ADAMTS17: variants seen among roughly 807,000 people sequenced by gnomAD.
ADAMTS17 encodes A disintegrin and metalloproteinase with thrombospondin motifs 17.
A neutral mutation model predicts 141.5 loss-of-function variants in ADAMTS17; 113 were observed. That is an observed-to-expected ratio of 0.80 (90% CI 0.69 to 0.93). The LOEUF (loss-of-function observed/expected upper bound fraction) is 0.93. ADAMTS17 is among the 40% of genes least tolerant of loss of function. The probability of loss-of-function intolerance (pLI) is 0.00; values close to 1 mark genes in which losing one functional copy is unlikely to be tolerated. For synonymous variants in ADAMTS17, 768 were observed against 630.6 expected (o/e 1.22, Z -3.27); for missense variants, 1,659 against 1,517.9 (o/e 1.09, Z -1.54).
intron 7 of ADAMTS17, among the ~76,000 whole-genome samples, chr15:100,201,735 C>T (rs533721479): frequency 1.3e-5 from 2 of 151,852 alleles, no homozygotes; most frequent in East Asian, 3.9e-4. Context: ...ACGTGGATGT[C>T]ACAACCCAGC....
intron 7 of ADAMTS17, among the ~76,000 whole-genome samples, chr15:100,220,941 T>G (rs1468573855): frequency 6.6e-6 from 1 of 152,230 alleles, no homozygotes; most frequent in African/African-American, 2.4e-5. Context: ...GTTTCTACAT[T>G]GGGACTATGA....
intron 7 of ADAMTS17, among the ~76,000 whole-genome samples, chr15:100,219,467 C>T (rs1211230156): frequency 1.3e-5 from 2 of 152,132 alleles, no homozygotes; most frequent in Admixed American, 1.3e-4. Context: ...TTCTCAAGAA[C>T]ACTGAAGAAC....
intron 18 of ADAMTS17, among the ~76,000 whole-genome samples, chr15:100,008,795 A>T (rs1567671547): frequency 2.0e-5 from 3 of 152,056 alleles, no homozygotes; most frequent in African/African-American, 7.2e-5. Flanking sequence ...CAGCCCTGTG[A>T]CTCTAACACA....
At position 100,229,905 on chromosome 15, in the gene ADAMTS17, A is replaced by G. The variant is rs567361612; in HGVS notation, c.1075+24231T>C. On this transcript the variant is annotated intron_variant, in intron 7 of 21. Transcript: ENST00000268070. The stretch of plus-strand genomic sequence containing the variant: ...CAGCACCTTCCCTGACCAGCAGGAA[A>G]TTGCCACACAGTCACCTGAGATGAT... Among the ~76,000 whole-genome samples, 247 of 152,328 alleles carry G rather than the reference A, an allele frequency of 1.6e-3. 10 individuals are homozygous for G. The highest frequency in any genetic ancestry group is 3.4e-3 in the Middle Eastern group (1 of 294).
intron 3 of ADAMTS17, among the ~76,000 whole-genome samples, chr15:100,289,378 C>G (rs542309908): frequency 7.2e-5 from 11 of 152,138 alleles, no homozygotes; most frequent in Non-Finnish European, 1.5e-4. Flanking sequence ...CAGGACCAGA[C>G]AGATTCACAG....
chr15:100,290,415 T>C (rs994707748), intron 3 of ADAMTS17, among the ~76,000 whole-genome samples: 2 of 152,274 alleles, frequency 1.3e-5, no homozygotes, highest in East Asian at 1.9e-4. Flanking sequence ...ACAATATTGT[T>C]AAAATAGCCA....
chr15:100,322,273 T>C (rs1220095123), intron 3 of ADAMTS17, among the ~76,000 whole-genome samples: 2 of 151,956 alleles, frequency 1.3e-5, no homozygotes, highest in African/African-American at 2.4e-5. Flanking sequence ...GACTGGAAAG[T>C]ATGGGGGAGG....
intron 12 of ADAMTS17, among the ~76,000 whole-genome samples, chr15:100,127,298 A>T (rs1347078510): frequency 6.6e-6 from 1 of 152,160 alleles, no homozygotes; most frequent in Admixed American, 6.5e-5. Context: ...TCCAATGACA[A>T]GCGTTCTTCC....
At chr15:100,256,668 G>A (rs922585358) in intron 6 of ADAMTS17, 1 of 152,562 alleles carries the variant, frequency 6.6e-6, no homozygotes, top group Non-Finnish European at 1.5e-5. Flanking sequence ...GGTCTGGCCA[G>A]AGGGATCCTG....
Position 100,116,916 on chromosome 15 carries a change from G to A in ADAMTS17, c.1819C>T (p.Gln607Ter). The A allele has an allele frequency of 1.2e-6, 2 of 1,614,168 alleles. No homozygotes were observed. Among genetic ancestry groups the A allele is most frequent in the Non-Finnish European group, 1.7e-6 (2 of 1,180,036 alleles). ...CPKGLPSFRD[Q>*]QCQAHDRLSP... ...AGCCGGTCGTGTGCCTGGCACTGCT[G>A]GTCCCGGAAGCTGGGCAGACCCTTG... is the stretch of plus-strand genomic sequence containing the variant. The change falls in exon 13 of 22, where the codon CAG becomes TAG. Residue 607 changes from glutamine (Q) to a stop codon, truncating the protein, a stop_gained. Coordinates refer to ENST00000268070, the MANE Select transcript of ADAMTS17 (RefSeq NM_139057.4). LOFTEE classifies it high-confidence loss of function.
In ADAMTS17 at chr15:100,341,921, C is replaced by A. The variant is rs760846321; in HGVS notation, c.-22G>T. 5.2e-6 allele frequency: 8 copies of A among 1,549,006 alleles called. No homozygotes were observed. In the South Asian group the frequency reaches 9.5e-5, roughly 18 times the overall value. On this transcript the variant is annotated 5_prime_UTR_variant, in exon 1 of 22. Coordinates refer to ENST00000268070, the MANE Select transcript of ADAMTS17 (RefSeq NM_139057.4). ...ACATGGTACCCGGGACCGGCAGCCC[C>A]CCCGGACCGTGGCGGCGAAGCAGGA...
At chr15:100,265,566 A>G (rs4965616) in intron 4 of ADAMTS17, among the ~76,000 whole-genome samples, 108,756 of 152,114 alleles carry the variant, frequency 0.71, 39,283 homozygotes, top group East Asian at 0.9. Context: ...TAGGCAATGT[A>G]GGGACACAGC....
chr15:100,162,347 AC>A lies in ADAMTS17; in HGVS notation c.1182-7028del, dbSNP rs559987410. Among the ~76,000 whole-genome samples, 53 of 148,862 alleles carry A rather than the reference AC, an allele frequency of 3.6e-4. 1 individual carries two copies. In the South Asian group the frequency reaches 8.2e-3, roughly 23 times the overall value. Reference sequence around the variant, plus strand: ...GTGTAGGTATATACCTGTCCTATATACCTATATATAACTATATAGTTATATA... The same window carrying A: ...GTGTAGGTATATACCTGTCCTATATACTATATATAACTATATAGTTATATA... On this transcript the variant is annotated intron_variant, in intron 8 of 21. Coordinates refer to ENST00000268070, the MANE Select transcript of ADAMTS17 (RefSeq NM_139057.4).
chr15:100,183,870 G>A (rs1174866101), intron 8 of ADAMTS17, among the ~76,000 whole-genome samples: 1 of 152,170 alleles, frequency 6.6e-6, no homozygotes, highest in Non-Finnish European at 1.5e-5. Context: ...AATCTGCTTT[G>A]TTTTTATGGT....
At chr15:100,158,498 C>CA (rs2039540669) in intron 8 of ADAMTS17, among the ~76,000 whole-genome samples, 1 of 152,108 alleles carries the variant, frequency 6.6e-6, no homozygotes, top group Non-Finnish European at 1.5e-5. Flanking sequence ...TTTAAGCTTA[C>CA]AATACAGTAT....
chr15:100,277,956 C>T (rs1216819325), intron 4 of ADAMTS17, among the ~76,000 whole-genome samples: 2 of 152,220 alleles, frequency 1.3e-5, no homozygotes, highest in South Asian at 2.1e-4. Flanking sequence ...ACTACTCATC[C>T]TTAAAAAGGA....
At chr15:100,283,079 A>G (rs1424536216) in intron 3 of ADAMTS17, among the ~76,000 whole-genome samples, 1 of 152,246 alleles carries the variant, frequency 6.6e-6, no homozygotes, top group Non-Finnish European at 1.5e-5. Flanking sequence ...TGAGTTTGAG[A>G]AAAACACAGG....
rs568880195 is a variant in ADAMTS17 at position 100,241,639 on chromosome 15, G to A, written c.1075+12497C>T. Among the ~76,000 whole-genome samples the A allele has an allele frequency of 3.7e-4, 57 of 152,326 alleles. 1 individual carries two copies. In the East Asian group the frequency reaches 6.0e-3, roughly 16 times the overall value. On this transcript the variant is annotated intron_variant, in intron 7 of 21. Transcript: ENST00000268070. ...ATTCATGGATGCTGGGCCAGGCCTAGAAATAGCTCGTATCACTTCCACCCC... is the reference window on the plus strand; with the variant it reads ...ATTCATGGATGCTGGGCCAGGCCTAAAAATAGCTCGTATCACTTCCACCCC...
intron 15 of ADAMTS17, among the ~76,000 whole-genome samples, chr15:100,090,752 A>G (rs954700248): frequency 6.6e-6 from 1 of 152,176 alleles, no homozygotes; most frequent in Non-Finnish European, 1.5e-5. Flanking sequence ...TCACGCCTGT[A>G]ATTCCAGCAC....
Sources: gnomAD v4.1 joint callset for allele counts (sites outside exome capture counted in the v4.1 genomes callset) on GRCh38, gnomAD v4.1.1 for gene constraint, MANE v1.5 for transcripts, NCBI Gene and HGNC (gene_info 2026-07-23, HGNC 2026-07-21) for gene names.